Variants in NLGN4Y observed in about 807,000 individuals in gnomAD.
NLGN4Y encodes neuroligin 4 Y-linked.
Under a neutral mutation model 8.4 loss-of-function variants are expected in NLGN4Y, and 4 were observed. The ratio of observed to expected loss-of-function variants is 0.48; its 90% CI spans 0.23 to 1.09. The LOEUF (loss-of-function observed/expected upper bound fraction) is 1.09. NLGN4Y is among the 50% of genes least tolerant of loss of function. The pLI is 0.19. For synonymous variants in NLGN4Y, 35 were observed against 75.6 expected (o/e 0.46, Z 2.78); for missense variants, 90 against 192.3 (o/e 0.47, Z 3.15).
intron 6 of NLGN4Y, among the ~76,000 whole-genome samples, chrY:14,833,157 C>T: frequency 3.0e-5 from 1 of 33,525 alleles, no homozygotes; most frequent in Admixed American, 2.7e-4. Flanking sequence ...TGGCTCTGTT[C>T]CGTCTGGCTC....
intron 1 of NLGN4Y, among the ~76,000 whole-genome samples, chrY:14,605,251 G>A: frequency 3.1e-5 from 1 of 32,727 alleles, no homozygotes; most frequent in Non-Finnish European, 7.5e-5. Flanking sequence ...AGAACATGTG[G>A]TATTTAACTT....
intron 4 of NLGN4Y, among the ~76,000 whole-genome samples, chrY:14,784,576 C>T (rs2042954767): frequency 3.4e-5 from 1 of 29,502 alleles, no homozygotes; most frequent in Admixed American, 3.2e-4. Context: ...AGGAGAATGG[C>T]GTGAACCCGG....
At chrY:14,551,650 T>A (rs868741319) in intron 1 of NLGN4Y, among the ~76,000 whole-genome samples, 2 of 33,200 alleles carry the variant, frequency 6.0e-5, no homozygotes, top group African/African-American at 2.4e-4. Context: ...CACAACTACG[T>A]GGAAACTGAA....
chrY:14,525,263 G>A, intron 1 of NLGN4Y, among the ~76,000 whole-genome samples: 1 of 32,160 alleles, frequency 3.1e-5, no homozygotes, highest in Non-Finnish European at 7.6e-5. Context: ...TTTTTTTCCC[G>A]GTTTCCTTTT....
chrY:14,651,934 G>A (rs2150520260), intron 2 of NLGN4Y, among the ~76,000 whole-genome samples: 5 of 32,889 alleles, frequency 1.5e-4, no homozygotes, highest in African/African-American at 5.8e-4. Flanking sequence ...TTCTACAGCC[G>A]CTTATACAGC....
intron 4 of NLGN4Y, among the ~76,000 whole-genome samples, chrY:14,750,083 GA>G (rs2081037141): frequency 3.0e-5 from 1 of 33,087 alleles, no homozygotes; most frequent in African/African-American, 1.2e-4. Context: ...GAGATTCAGT[GA>G]ATTCGAGGCT....
intron 1 of NLGN4Y, among the ~76,000 whole-genome samples, chrY:14,584,396 G>T: frequency 1.8e-4 from 6 of 33,554 alleles, no homozygotes; most frequent in Admixed American, 1.6e-3. Flanking sequence ...TGCTGGTATT[G>T]CAGGGATGAG....
chrY:14,648,547 A>C (rs1035672170), intron 2 of NLGN4Y, among the ~76,000 whole-genome samples: 2 of 33,342 alleles, frequency 6.0e-5, no homozygotes, highest in African/African-American at 2.3e-4. Context: ...CTTTTTCATA[A>C]CAATAATTGT....
At chrY:14,548,126 G>T in intron 1 of NLGN4Y, among the ~76,000 whole-genome samples, 1 of 32,622 alleles carries the variant, frequency 3.1e-5, no homozygotes, top group Non-Finnish European at 7.5e-5. Flanking sequence ...TTCTTGTTTG[G>T]AGGCATTTTT....
At chrY:14,784,688 G>T (rs2042956408) in intron 4 of NLGN4Y, among the ~76,000 whole-genome samples, 1 of 31,615 alleles carries the variant, frequency 3.2e-5, no homozygotes, top group Non-Finnish European at 7.7e-5. Flanking sequence ...ACACATGCAT[G>T]CATATGTTTA....
At chrY:14,700,446 C>T (rs2080844603) in intron 2 of NLGN4Y, among the ~76,000 whole-genome samples, 1 of 33,668 alleles carries the variant, frequency 3.0e-5, no homozygotes, top group East Asian at 7.8e-4. Flanking sequence ...ATTTATTCTT[C>T]GTCGAATAAC....
At chrY:14,698,125 T>G in intron 2 of NLGN4Y, among the ~76,000 whole-genome samples, 1 of 33,658 alleles carries the variant, frequency 3.0e-5, no homozygotes, top group African/African-American at 1.2e-4. Context: ...ATGAGTATTT[T>G]CTGAGCAATT....
intron 1 of NLGN4Y, among the ~76,000 whole-genome samples, chrY:14,572,260 C>T: frequency 1.9e-4 from 6 of 31,707 alleles, no homozygotes; most frequent in African/African-American, 7.5e-4. Context: ...TGTTTATATC[C>T]TCTTTTATTT....
At chrY:14,724,031 G>GT (rs2080947212) in intron 4 of NLGN4Y, among the ~76,000 whole-genome samples, 4 of 32,892 alleles carry the variant, frequency 1.2e-4, no homozygotes, top group African/African-American at 4.7e-4. Context: ...AAAAACATTT[G>GT]TTTTTTTGGG....
intron 2 of NLGN4Y, among the ~76,000 whole-genome samples, chrY:14,677,492 C>T (rs955521439): frequency 3.1e-5 from 1 of 32,498 alleles, no homozygotes; most frequent in Non-Finnish European, 7.5e-5. Context: ...CACAGTTCCC[C>T]GAGCATACCT....
At chrY:14,554,199 ATTTTTTTT>A (rs1569355926) in intron 1 of NLGN4Y, among the ~76,000 whole-genome samples, 1 of 7,786 alleles carries the variant, frequency 1.3e-4, no homozygotes, top group Non-Finnish European at 2.6e-4. Context: ...TTTTTCCTCT[ATTTTTTTT>A]TTTTTTTTTT....
rs763121677 is a variant in NLGN4Y, at chrY:14,714,641, G to C, written c.473-4818G>C. Among the ~76,000 whole-genome samples the C allele has an allele frequency of 4.5e-4, 15 of 33,261 alleles. No individual in the cohort carries two copies. In the East Asian group the frequency reaches 0.012, roughly 26 times the overall value. 89.2% of individuals were successfully genotyped at this position (33,261 alleles called of 37,273 possible). A position where few individuals can be genotyped will look rare whatever the true frequency, so the allele number is the denominator to read the frequency against. On this transcript the variant is annotated intron_variant, in intron 2 of 6. Coordinates refer to ENST00000684976, the MANE Select transcript of NLGN4Y (RefSeq NM_001365588.1). The stretch of plus-strand genomic sequence containing the variant: ...CTTACACAAAAATTAACTCAAGATG[G>C]ATTAAACACTTAAGACCTAAAACCA...
chrY:14,596,329 AG>A (rs2080397330), intron 1 of NLGN4Y, among the ~76,000 whole-genome samples: 3 of 33,483 alleles, frequency 9.0e-5, no homozygotes, highest in Non-Finnish European at 1.5e-4. Flanking sequence ...TTATACTAGA[AG>A]TCATTCTTAT....
chrY:14,756,699 C>G, intron 4 of NLGN4Y, among the ~76,000 whole-genome samples: 5 of 24,236 alleles, frequency 2.1e-4, no homozygotes, highest in Middle Eastern at 0.038. Context: ...GAGCCGAGAT[C>G]ACACCATTGC....
Sources: allele counts gnomAD v4.1 joint callset (sites outside exome capture counted in the v4.1 genomes callset), GRCh38; gene constraint gnomAD v4.1.1; transcripts MANE v1.5; gene names NCBI Gene and HGNC (gene_info 2026-07-23, HGNC 2026-07-21).